The following GPR143 variants were observed in gnomAD, a reference collection of about 807,000 sequenced individuals.
The protein encoded by GPR143 is G protein-coupled receptor 143.
Under a neutral mutation model 27.6 loss-of-function variants are expected in GPR143, and 8 were observed. That is an observed-to-expected ratio of 0.29 (90% CI 0.17 to 0.52). The LOEUF (loss-of-function observed/expected upper bound fraction) is 0.52. GPR143 is among the 20% of genes least tolerant of loss of function. GPR143 has a pLI of 0.96. For synonymous variants in GPR143, 156 were observed against 153.2 expected (o/e 1.02, Z -0.13); for missense variants, 303 against 343.1 (o/e 0.88, Z 0.92).
chrX:9,730,733 A>G (rs1415393407), intron 8 of GPR143, among the ~76,000 whole-genome samples: 1 of 112,202 alleles, frequency 8.9e-6, no homozygotes, highest in Non-Finnish European at 1.9e-5. Context: ...AGTCCAGGCT[A>G]ACATGATGGC....
At chrX:9,774,939 C>T (rs1048831753) in intron 1 of GPR143, among the ~76,000 whole-genome samples, 1 of 111,143 alleles carries the variant, frequency 9.0e-6, no homozygotes, top group East Asian at 2.8e-4. Flanking sequence ...TCAGGGCTCA[C>T]TGCAGCCTTG....
chrX:9,776,990 G>A (rs958231459), intron 1 of GPR143, among the ~76,000 whole-genome samples: 4 of 111,566 alleles, frequency 3.6e-5, no homozygotes, highest in East Asian at 2.8e-4. Flanking sequence ...TTCAAACTTT[G>A]CAGCCCACCT....
At chrX:9,741,071 G>A (rs1202441702) in intron 7 of GPR143, 2 of 275,900 alleles carry the variant, frequency 7.2e-6, no homozygotes, top group African/African-American at 2.8e-5. Flanking sequence ...TTTTTCTTCT[G>A]ATTTTTTTTC....
At chrX:9,773,523 GCA>G (rs2083561739) in intron 1 of GPR143, among the ~76,000 whole-genome samples, 1 of 107,459 alleles carries the variant, frequency 9.3e-6, no homozygotes, top group Admixed American at 1.0e-4. Context: ...AAACACACAC[GCA>G]CACACATATA....
At chrX:9,751,301 C>T (rs2146693706) in intron 3 of GPR143, among the ~76,000 whole-genome samples, 1 of 112,382 alleles carries the variant, frequency 8.9e-6, no homozygotes, top group South Asian at 3.7e-4. Flanking sequence ...GCTGTCTTCA[C>T]TTTGAGGACA....
At chrX:9,741,109 TA>T (rs1446155532) in intron 7 of GPR143, 2 of 291,609 alleles carry the variant, frequency 6.9e-6, no homozygotes, top group Non-Finnish European at 1.2e-5. Flanking sequence ...TATAGATAAT[TA>T]AAAAAAGAGA....
rs1305940034 is a variant in GPR143, at chrX:9,746,145, C to T, written c.557G>A (p.Arg186Gln). The T allele has an allele frequency of 7.8e-6, 9 of 1,159,592 alleles. No individual in the cohort carries two copies. The highest frequency in any genetic ancestry group is 9.4e-6 in the Non-Finnish European group (8 of 848,000). The change falls in exon 5 of 9, where the codon CGG (arginine) becomes CAG (glutamine). Residue 186 changes from arginine (R) to glutamine (Q), a missense_variant. Physicochemically the swap from Arg to Gln is conservative, Grantham distance 43. Transcript: ENST00000467482. ...LYYPSVSRCE[R>Q]GLDHAIPHYV... ...GTGGGGGATGGCGTGGTCCAGGCCC[C>T]GCTCACACCTGAGAGAGGAAAACCA...
At chrX:9,745,767 C>T (rs1419567123) in intron 5 of GPR143, among the ~76,000 whole-genome samples, 3 of 111,873 alleles carry the variant, frequency 2.7e-5, no homozygotes, top group Non-Finnish European at 3.8e-5. Context: ...CTCCTGCAGC[C>T]GACCCAGGAG....
chrX:9,752,580 A>G (rs1306349655), intron 3 of GPR143, among the ~76,000 whole-genome samples: 2 of 112,179 alleles, frequency 1.8e-5, no homozygotes, highest in Non-Finnish European at 3.8e-5. Context: ...CAGAATCCAG[A>G]AAAGCAGAGA....
chrX:9,763,086 G>A lies in GPR143; in HGVS notation c.251-2260C>T, dbSNP rs369832750. On this transcript the variant is annotated intron_variant, in intron 1 of 8. Transcript: ENST00000467482. ...GACCACATGTGCATCCCACCATGAC[G>A]GGCCTTTTTTTTGTTGTTTTTTTTT... Among the ~76,000 whole-genome samples the A allele has an allele frequency of 7.6e-3, 828 of 108,753 alleles. 11 individuals carry two copies. Among genetic ancestry groups the A allele is most frequent in the African/African-American group, 0.026 (760 of 29,598 alleles). The allele number at this position is 108,753 out of a possible 115,157, so 94.4% of individuals were successfully genotyped here. A position where few individuals can be genotyped will look rare whatever the true frequency, so the allele number is the denominator to read the frequency against.
intron 8 of GPR143, among the ~76,000 whole-genome samples, chrX:9,734,038 C>T (rs2083367573): frequency 1.0e-5 from 1 of 100,427 alleles, no homozygotes; most frequent in Admixed American, 1.2e-4. Context: ...TTAGATCGCG[C>T]CATTGCACTC....
intron 1 of GPR143, among the ~76,000 whole-genome samples, chrX:9,772,764 T>A (rs1215571921): frequency 1.0e-5 from 1 of 96,290 alleles, no homozygotes; most frequent in African/African-American, 4.0e-5. Flanking sequence ...CAGTGAGCCG[T>A]GATAGTGTCA....
At chrX:9,731,502 GGAC>G (rs1393679371) in intron 8 of GPR143, among the ~76,000 whole-genome samples, 1 of 111,308 alleles carries the variant, frequency 9.0e-6, no homozygotes, top group East Asian at 2.8e-4. Context: ...TTATGGGAAA[GGAC>G]AGACTCATGG....
intron 3 of GPR143, among the ~76,000 whole-genome samples, chrX:9,756,090 G>A (rs778053775): frequency 4.1e-4 from 46 of 112,068 alleles, no homozygotes; most frequent in Middle Eastern, 4.6e-3. Context: ...ATTTTAGAGC[G>A]GGGATCTACT....
chrX:9,750,184 C>T (rs2083445531), intron 3 of GPR143, among the ~76,000 whole-genome samples: 1 of 112,302 alleles, frequency 8.9e-6, no homozygotes, highest in Admixed American at 9.5e-5. Flanking sequence ...CTGCTATGAA[C>T]ATGTGTTATG....
intron 2 of GPR143, among the ~76,000 whole-genome samples, chrX:9,760,015 A>G (rs1223331573): frequency 8.9e-6 from 1 of 112,317 alleles, no homozygotes; most frequent in Non-Finnish European, 1.9e-5. Flanking sequence ...GGAGCATAAC[A>G]TACATGTGTA....
chrX:9,729,468 T>C (rs997609984), intron 8 of GPR143, among the ~76,000 whole-genome samples: 3 of 111,497 alleles, frequency 2.7e-5, no homozygotes, highest in African/African-American at 9.8e-5. Flanking sequence ...TAGGGCTCCA[T>C]GGAAGAGAAT....
rs748188612 is a variant in GPR143, at chrX:9,759,325, T to G, written c.455+7A>C. 8.0e-6 allele frequency: 9 copies of G among 1,120,494 alleles called. No homozygotes were observed. In the African/African-American group the frequency reaches 1.3e-4, roughly 16 times the overall value. The allele number at this position is 1,120,494 out of a possible 1,213,427, so 92.3% of individuals were successfully genotyped here. ...TAGGGCAGAAATCCCATTTCCTCGG[T>G]GAATACCTCAGTCCTGCCGATCTCC... On this transcript the variant is annotated splice_region_variant and intron_variant, in intron 3 of 8. Coordinates refer to ENST00000467482, the MANE Select transcript of GPR143 (RefSeq NM_000273.3).
intron 5 of GPR143, among the ~76,000 whole-genome samples, chrX:9,745,477 C>A (rs1449563499): frequency 2.7e-5 from 3 of 111,997 alleles, no homozygotes. Flanking sequence ...CCAGGACACA[C>A]TTCCTTGAGG....
Sources: allele counts gnomAD v4.1 joint callset (sites outside exome capture counted in the v4.1 genomes callset), GRCh38; gene constraint gnomAD v4.1.1; transcripts MANE v1.5; gene names NCBI Gene and HGNC (gene_info 2026-07-23, HGNC 2026-07-21).